RANBP17: variants seen among roughly 807,000 people sequenced by gnomAD.
RANBP17 encodes the protein ran-binding protein 17.
RANBP17 carries 158 observed loss-of-function variants against 141.2 expected under a neutral mutation model. The observed-to-expected ratio is 1.12, with a 90% CI of 0.98 to 1.28. The LOEUF (loss-of-function observed/expected upper bound fraction) is 1.28, where lower values mean the gene tolerates loss of function less well. RANBP17 is among the 50% of genes most tolerant of loss of function. The pLI is 0.00. For missense variants in RANBP17, 1,438 were observed against 1,290.7 expected (o/e 1.11, Z -1.75); for synonymous variants, 430 against 450.0 (o/e 0.96, Z 0.56).
intron 5 of RANBP17, chr5:170,904,000 A>C (rs1770872778): frequency 1.4e-5 from 7 of 484,670 alleles, no homozygotes. Flanking sequence ...AGATTGGATC[A>C]GATGTTTTCA....
intron 25 of RANBP17, among the ~76,000 whole-genome samples, chr5:171,285,594 G>A (rs1223095005): frequency 6.6e-6 from 1 of 152,204 alleles, no homozygotes; most frequent in Non-Finnish European, 1.5e-5. Flanking sequence ...GGCAAACCCT[G>A]CAGCCTTCCA....
intron 25 of RANBP17, among the ~76,000 whole-genome samples, chr5:171,275,679 G>A (rs928243068): frequency 6.6e-6 from 1 of 152,114 alleles, no homozygotes; most frequent in African/African-American, 2.4e-5. Context: ...AGAGGGTTTA[G>A]CCTCTTATTA....
intron 13 of RANBP17, among the ~76,000 whole-genome samples, chr5:170,960,600 A>G (rs1388274223): frequency 6.6e-6 from 1 of 152,146 alleles, no homozygotes; most frequent in Admixed American, 6.5e-5. Context: ...CACCTATCCT[A>G]TCTCCTCTGC....
intron 14 of RANBP17, among the ~76,000 whole-genome samples, chr5:171,060,914 T>G (rs1378453812): frequency 1.3e-5 from 2 of 151,276 alleles, no homozygotes; most frequent in Non-Finnish European, 2.9e-5. Context: ...GTCGAGGAAT[T>G]TATCCATTTC....
intron 14 of RANBP17, among the ~76,000 whole-genome samples, chr5:171,060,847 T>C (rs1385456331): frequency 1.3e-5 from 2 of 152,176 alleles, no homozygotes; most frequent in Non-Finnish European, 2.9e-5. Context: ...CAGAGCCTGT[T>C]ATTAGTCTAT....
chr5:171,052,886 G>T (rs1342330500), intron 14 of RANBP17, among the ~76,000 whole-genome samples: 1 of 150,546 alleles, frequency 6.6e-6, no homozygotes, highest in Admixed American at 6.7e-5. Context: ...GAGTTTCACT[G>T]TTGTTGCCCA....
At chr5:171,262,638 G>A (rs1369919797) in intron 24 of RANBP17, among the ~76,000 whole-genome samples, 1 of 152,058 alleles carries the variant, frequency 6.6e-6, no homozygotes, top group East Asian at 1.9e-4. Context: ...TCATTTGTTT[G>A]TGTTGGGAAC....
intron 14 of RANBP17, among the ~76,000 whole-genome samples, chr5:171,038,145 A>C (rs1384965008): frequency 6.8e-6 from 1 of 147,584 alleles, no homozygotes; most frequent in African/African-American, 2.5e-5. Context: ...CTTTTTGTTT[A>C]GATGTATTCT....
At position 171,262,630 on chromosome 5, in the gene RANBP17, ATTTG is replaced by A. The variant is rs372731334; in HGVS notation, c.2777-3045_2777-3042del. 5.8e-3 allele frequency among the ~76,000 whole-genome samples: 879 copies of A among 152,302 alleles called. 11 individuals carry two copies. The highest frequency in any genetic ancestry group is 0.016 in the African/African-American group (673 of 41,570). On this transcript the variant is annotated intron_variant, in intron 24 of 27. Transcript: ENST00000523189. ...GTATCCATCACTGCAAACATTTATC[ATTTG>A]TTTGTGTTGGGAACATTCAAAATCT... is the stretch of plus-strand genomic sequence containing the variant.
chr5:171,123,617 A>G (rs1481210106), intron 14 of RANBP17, among the ~76,000 whole-genome samples: 1 of 152,252 alleles, frequency 6.6e-6, no homozygotes. Flanking sequence ...ACCCACGTGC[A>G]TTCCCTGGGG....
chr5:170,987,824 C>A (rs1209754240), intron 14 of RANBP17, among the ~76,000 whole-genome samples: 1 of 151,460 alleles, frequency 6.6e-6, no homozygotes, highest in Admixed American at 6.6e-5. Context: ...TAGTTAAAAT[C>A]TTTGCAGCCA....
intron 14 of RANBP17, among the ~76,000 whole-genome samples, chr5:170,980,537 C>A (rs996537040): frequency 1.6e-4 from 24 of 152,180 alleles, no homozygotes; most frequent in Admixed American, 1.3e-3. Context: ...GCTGCTCCAG[C>A]TGTGGCTGAA....
At position 171,293,868 on chromosome 5, in the gene RANBP17, G is replaced by T. The variant is rs1408931572; in HGVS notation, c.2944-15G>T. The T allele has an allele frequency of 1.3e-6, 2 of 1,594,310 alleles. No homozygotes were observed. Among genetic ancestry groups the T allele is most frequent in the Non-Finnish European group, 1.7e-6 (2 of 1,162,280 alleles). On this transcript the variant is annotated splice_polypyrimidine_tract_variant and intron_variant, in intron 25 of 27. Transcript: ENST00000523189. ...AGACAAGGCATCTCAATCTTTATGT[G>T]ATTCTATCTTCTAGATGATGTCTGT...
intron 24 of RANBP17, among the ~76,000 whole-genome samples, chr5:171,258,116 A>AC (rs1192670880): frequency 2.0e-5 from 2 of 98,942 alleles, no homozygotes; most frequent in South Asian, 6.7e-4. Context: ...AAAAAAAAAA[A>AC]ATACACACAC....
intron 14 of RANBP17, among the ~76,000 whole-genome samples, chr5:170,974,709 G>A (rs75522678): frequency 0.028 from 4,192 of 152,248 alleles, 87 homozygotes; most frequent in Non-Finnish European, 0.045. Flanking sequence ...CATGGCTTGA[G>A]CATTTTGCAA....
At chr5:170,940,352 C>T (rs1774227037) in intron 12 of RANBP17, among the ~76,000 whole-genome samples, 1 of 152,258 alleles carries the variant, frequency 6.6e-6, no homozygotes, top group South Asian at 2.1e-4. Context: ...AATCTGGAAT[C>T]TGAAATGCTC....
intron 12 of RANBP17, among the ~76,000 whole-genome samples, chr5:170,952,285 G>A (rs1255615932): frequency 6.6e-6 from 1 of 151,980 alleles, no homozygotes; most frequent in Admixed American, 6.6e-5. Context: ...ACTTGAGTCT[G>A]TTTTTCAGTG....
At chr5:171,050,743 C>G (rs1782902539) in intron 14 of RANBP17, among the ~76,000 whole-genome samples, 3 of 152,004 alleles carry the variant, frequency 2.0e-5, no homozygotes, top group Non-Finnish European at 2.9e-5. Context: ...AATATCTACC[C>G]TTTCTGTTTT....
intron 21 of RANBP17, among the ~76,000 whole-genome samples, chr5:171,216,642 G>A (rs532995190): frequency 2.3e-4 from 35 of 152,052 alleles, no homozygotes; most frequent in Middle Eastern, 3.4e-3. Context: ...TATAAGTTCT[G>A]TTCCTAAGTA....
Sources: gnomAD v4.1 joint callset for allele counts (sites outside exome capture counted in the v4.1 genomes callset) on GRCh38, gnomAD v4.1.1 for gene constraint, MANE v1.5 for transcripts, NCBI Gene and HGNC (gene_info 2026-07-23, HGNC 2026-07-21) for gene names.